TTC27: variants seen among roughly 807,000 people sequenced by gnomAD.
TTC27 encodes tetratricopeptide repeat protein 27.
TTC27 carries 79 observed loss-of-function variants against 115.9 expected under a neutral mutation model. The ratio of observed to expected loss-of-function variants is 0.68; its 90% CI spans 0.57 to 0.82. The LOEUF (loss-of-function observed/expected upper bound fraction) is 0.82. TTC27 is among the 40% of genes least tolerant of loss of function. TTC27 has a pLI of 0.00. For missense variants in TTC27, 1,054 were observed against 993.1 expected (o/e 1.06, Z -0.82); for synonymous variants, 401 against 356.0 (o/e 1.13, Z -1.42).
chr2:32,630,516 A>G lies in TTC27; in HGVS notation c.89-7A>G, dbSNP rs114431763. On this transcript the variant is annotated splice_polypyrimidine_tract_variant and splice_region_variant and intron_variant, in intron 1 of 19. Transcript: ENST00000317907. ...TTGGATTACCGCACTAATTTTTTAT[A>G]TTACAGAGAGTGGATCTTTCCTACA... 3.3e-4 allele frequency: 518 copies of G among 1,590,108 alleles called. No individual in the cohort carries two copies. In the African/African-American group the frequency reaches 6.3e-3, roughly 19 times the overall value.
chr2:32,635,359 A>G (rs1664377425), intron 3 of TTC27: 1 of 153,998 alleles, frequency 6.5e-6, no homozygotes, highest in African/African-American at 2.4e-5. Flanking sequence ...GTGCAGCAAA[A>G]CAGACCTAGT....
chr2:32,765,387 T>A (rs1669591401), intron 13 of TTC27, among the ~76,000 whole-genome samples: 1 of 150,468 alleles, frequency 6.6e-6, no homozygotes, highest in South Asian at 2.1e-4. Context: ...GGAGTAAGTC[T>A]CCACAATGGC....
chr2:32,680,580 A>G (rs887226278), intron 9 of TTC27, among the ~76,000 whole-genome samples: 3 of 151,924 alleles, frequency 2.0e-5, no homozygotes, highest in African/African-American at 7.3e-5. Context: ...GAAATGAGGG[A>G]TGGGGGAAGG....
At chr2:32,757,239 A>T (rs1421323260) in intron 12 of TTC27, among the ~76,000 whole-genome samples, 1 of 152,122 alleles carries the variant, frequency 6.6e-6, no homozygotes, top group Non-Finnish European at 1.5e-5. Context: ...GTTTTGAAAA[A>T]GGAAAAACAT....
At chr2:32,805,948 C>T (rs1013294262) in intron 16 of TTC27, among the ~76,000 whole-genome samples, 3 of 152,268 alleles carry the variant, frequency 2.0e-5, no homozygotes, top group Admixed American at 2.0e-4. Flanking sequence ...CATTCTAGAT[C>T]TAGCTGATCT....
intron 1 of TTC27, among the ~76,000 whole-genome samples, chr2:32,628,924 C>A (rs956312791): frequency 1.5e-4 from 22 of 151,184 alleles, no homozygotes; most frequent in Admixed American, 5.3e-4. Context: ...CCACGCCCGG[C>A]TAATTTTGTA....
At chr2:32,788,802 C>T (rs1337739604) in intron 16 of TTC27, among the ~76,000 whole-genome samples, 3 of 152,146 alleles carry the variant, frequency 2.0e-5, no homozygotes, top group African/African-American at 7.2e-5. Flanking sequence ...CTCTCTCATC[C>T]AGTAAGAGAC....
intron 10 of TTC27, among the ~76,000 whole-genome samples, chr2:32,721,504 G>C (rs1667923598): frequency 6.6e-6 from 1 of 151,964 alleles, no homozygotes; most frequent in African/African-American, 2.4e-5. Context: ...AGTAGCACCA[G>C]ATTTCGTTAT....
At chr2:32,809,124 C>CT (rs1341119407) in intron 16 of TTC27, among the ~76,000 whole-genome samples, 1 of 152,184 alleles carries the variant, frequency 6.6e-6, no homozygotes, top group Non-Finnish European at 1.5e-5. Context: ...GACCATGAAT[C>CT]TGAGTTCACA....
At chr2:32,708,673 C>A (rs1244285917) in intron 10 of TTC27, among the ~76,000 whole-genome samples, 2 of 118,430 alleles carry the variant, frequency 1.7e-5, no homozygotes, top group East Asian at 4.8e-4. Context: ...TCCAACCCAC[C>A]TTACTTTGTT....
intron 2 of TTC27, among the ~76,000 whole-genome samples, chr2:32,632,293 G>A (rs1177299137): frequency 6.6e-6 from 1 of 151,730 alleles, no homozygotes; most frequent in African/African-American, 2.4e-5. Context: ...ATAGGCATGA[G>A]TCACTCCGCC....
At position 32,821,006 on chromosome 2, in the gene TTC27, A is replaced by G; in HGVS notation, c.*68A>G. 1 of 1,315,086 alleles carries G rather than the reference A, an allele frequency of 7.6e-7. No individual in the cohort carries two copies. Among genetic ancestry groups the G allele is most frequent in the South Asian group, 2.1e-5 (1 of 48,376 alleles). The allele number at this position is 1,315,086 out of a possible 1,614,324, so 81.5% of individuals were successfully genotyped here. The stretch of plus-strand genomic sequence containing the variant: ...GGTAAAAGATACATCTGTATATCTG[A>G]AATGCAAGATATTGATTTTTAAAAT... On this transcript the variant is annotated 3_prime_UTR_variant, in exon 20 of 20. Transcript: ENST00000317907.
At chr2:32,708,027 G>T (rs1667437117) in intron 10 of TTC27, among the ~76,000 whole-genome samples, 1 of 152,038 alleles carries the variant, frequency 6.6e-6, no homozygotes, top group South Asian at 2.1e-4. Context: ...GAACCCAGTG[G>T]TCAAAGCTAG....
rs142432812 is a variant in TTC27 at position 32,657,206 on chromosome 2, C to T, written c.640+6973C>T. Among the ~76,000 whole-genome samples, 22 of 151,944 alleles carry T rather than the reference C, an allele frequency of 1.4e-4. No individual in the cohort carries two copies. In the East Asian group the frequency reaches 2.3e-3, roughly 16 times the overall value. On this transcript the variant is annotated intron_variant, in intron 5 of 19. Transcript: ENST00000317907. ...TTCACTGTGTTAGCCAGGATGGTCT[C>T]GATCTCCTGACCTCGTGGTCTGCCC...
chr2:32,769,084 A>G (rs970335714), intron 13 of TTC27, among the ~76,000 whole-genome samples: 10 of 152,208 alleles, frequency 6.6e-5, no homozygotes, highest in Non-Finnish European at 1.0e-4. Context: ...ACTTGAAACC[A>G]TGAAAGTGAG....
intron 7 of TTC27, 75 bp from the exon 8 acceptor site, chr2:32,672,197 A>G (rs770937384): frequency 3.2e-5 from 33 of 1,038,860 alleles, no homozygotes; most frequent in African/African-American, 9.5e-5. Context: ...CTTTCTAGCA[A>G]TCTATTACAT....
chr2:32,704,865 C>G (rs1307166395), intron 10 of TTC27: 2 of 471,160 alleles, frequency 4.2e-6, no homozygotes, highest in Non-Finnish European at 4.4e-6. Context: ...CCTCAGGTGG[C>G]ACATGATGTT....
At chr2:32,664,678 G>T (rs1447026437) in intron 6 of TTC27, among the ~76,000 whole-genome samples, 7 of 152,116 alleles carry the variant, frequency 4.6e-5, no homozygotes, top group Non-Finnish European at 1.0e-4. Flanking sequence ...TTATTGCGCT[G>T]ATCTGTTTAG....
At chr2:32,650,584 C>T (rs1665080352) in intron 5 of TTC27, among the ~76,000 whole-genome samples, 1 of 151,702 alleles carries the variant, frequency 6.6e-6, no homozygotes, top group Non-Finnish European at 1.5e-5. Flanking sequence ...GATGTACTCT[C>T]CTTAGTTCTT....
Sources: allele counts gnomAD v4.1 joint callset (sites outside exome capture counted in the v4.1 genomes callset), GRCh38; gene constraint gnomAD v4.1.1; transcripts MANE v1.5; gene names NCBI Gene and HGNC (gene_info 2026-07-23, HGNC 2026-07-21).